GPC5: variants seen among roughly 807,000 people sequenced by gnomAD.
The protein encoded by GPC5 is glypican-5.
In GPC5, 47 loss-of-function variants were observed where a neutral mutation model predicts 53.9. The observed-to-expected ratio is 0.87, with a 90% CI of 0.69 to 1.11. GPC5 has a LOEUF of 1.11. GPC5 is among the 50% of genes most tolerant of loss of function. The pLI, the probability that GPC5 is intolerant of heterozygous loss-of-function variation, is 0.00. For synonymous variants in GPC5, 286 were observed against 263.3 expected (o/e 1.09, Z -0.84); for missense variants, 748 against 713.1 (o/e 1.05, Z -0.56).
intron 6 of GPC5, among the ~76,000 whole-genome samples, chr13:92,114,690 C>G (rs2041586152): frequency 6.6e-6 from 1 of 152,182 alleles, no homozygotes; most frequent in Admixed American, 6.5e-5. Flanking sequence ...CACACAGATA[C>G]ACTCCCAGTT....
chr13:92,133,149 A>T (rs2041758082), intron 6 of GPC5, among the ~76,000 whole-genome samples: 1 of 152,142 alleles, frequency 6.6e-6, no homozygotes, highest in Non-Finnish European at 1.5e-5. Context: ...TTCAAATGGC[A>T]CCCATTTTTC....
At chr13:92,561,462 C>A (rs1442958857) in intron 7 of GPC5, among the ~76,000 whole-genome samples, 2 of 151,940 alleles carry the variant, frequency 1.3e-5, no homozygotes, top group Non-Finnish European at 1.5e-5. Context: ...TAAGAATGAT[C>A]CCAATAGAAC....
chr13:91,400,115 A>G lies in GPC5; in HGVS notation c.163+906A>G, dbSNP rs117060580. ...CAATAGCAGGTGTCTAGAGCTAAGT[A>G]AGATCTCACTAGAGCCATGCACCCC... On this transcript the variant is annotated intron_variant, in intron 1 of 7. Transcript: ENST00000377067. Among the ~76,000 whole-genome samples the G allele has an allele frequency of 4.3e-3, 654 of 152,312 alleles. 1 individual carries two copies. The highest frequency in any genetic ancestry group is 7.3e-3 in the Non-Finnish European group (499 of 68,022).
chr13:92,780,788 T>C (rs1875995569), intron 7 of GPC5, among the ~76,000 whole-genome samples: 1 of 152,072 alleles, frequency 6.6e-6, no homozygotes, highest in Non-Finnish European at 1.5e-5. Context: ...AATCATAGAA[T>C]ATCAGATATT....
At chr13:92,593,594 T>A (rs550921826) in intron 7 of GPC5, among the ~76,000 whole-genome samples, 1 of 151,196 alleles carries the variant, frequency 6.6e-6, no homozygotes, top group South Asian at 2.1e-4. Context: ...CTGAATTTTA[T>A]CAACAGAAAG....
chr13:92,104,044 G>A (rs1431218769), intron 6 of GPC5, among the ~76,000 whole-genome samples: 2 of 152,016 alleles, frequency 1.3e-5, no homozygotes, highest in Non-Finnish European at 2.9e-5. Context: ...CAAATACCCC[G>A]GGGGAAAAAG....
intron 2 of GPC5, among the ~76,000 whole-genome samples, chr13:91,689,213 A>G (rs1350750646): frequency 8.1e-6 from 1 of 124,034 alleles, no homozygotes; most frequent in Non-Finnish European, 1.7e-5. Flanking sequence ...ATATATATAT[A>G]TATATATATA....
rs555900972 is a variant in GPC5, at chr13:92,281,530, G to T, written c.1561+136541G>T. 1.8e-4 allele frequency among the ~76,000 whole-genome samples: 27 copies of T among 152,252 alleles called. 1 individual carries two copies. The South Asian group carries it at 5.4e-3, about 30-fold the overall frequency. Reference sequence around the variant, plus strand: ...GGAGACTGACACCTCACACGGCTGGGTACCCCTCTGAGACGAAGCTTGCAG... The same window carrying T: ...GGAGACTGACACCTCACACGGCTGGTTACCCCTCTGAGACGAAGCTTGCAG... On this transcript the variant is annotated intron_variant, in intron 7 of 7. Coordinates refer to ENST00000377067, the MANE Select transcript of GPC5 (RefSeq NM_004466.6).
intron 2 of GPC5, among the ~76,000 whole-genome samples, chr13:91,538,352 T>C (rs1886682732): frequency 6.6e-6 from 1 of 152,180 alleles, no homozygotes; most frequent in Non-Finnish European, 1.5e-5. Context: ...TCCATCCATA[T>C]TGCAAAACAT....
chr13:91,992,807 T>G (rs944042242), intron 6 of GPC5, among the ~76,000 whole-genome samples: 1 of 152,144 alleles, frequency 6.6e-6, no homozygotes, highest in East Asian at 1.9e-4. Context: ...TATATAAAGC[T>G]CAATAAACAT....
At chr13:92,274,484 C>T (rs1400614365) in intron 7 of GPC5, among the ~76,000 whole-genome samples, 2 of 152,120 alleles carry the variant, frequency 1.3e-5, no homozygotes, top group Non-Finnish European at 1.5e-5. Flanking sequence ...AGCTTTTCCT[C>T]ATTGTTCAGG....
chr13:92,824,991 T>G (rs193020771), intron 7 of GPC5, among the ~76,000 whole-genome samples: 123 of 152,214 alleles, frequency 8.1e-4, no homozygotes, highest in Non-Finnish European at 1.5e-3. Flanking sequence ...TTTTAAAAAT[T>G]TTTCTTTCTT....
chr13:92,457,665 G>C (rs1254170499), intron 7 of GPC5, among the ~76,000 whole-genome samples: 1 of 152,164 alleles, frequency 6.6e-6, no homozygotes, highest in African/African-American at 2.4e-5. Context: ...TATCTCGCTA[G>C]CTCAAATTTA....
intron 7 of GPC5, among the ~76,000 whole-genome samples, chr13:92,229,480 T>A (rs939675174): frequency 3.9e-5 from 6 of 151,972 alleles, no homozygotes; most frequent in African/African-American, 1.2e-4. Context: ...AAATCTTGAT[T>A]GTAAATAAAG....
intron 7 of GPC5, among the ~76,000 whole-genome samples, chr13:92,178,065 A>C (rs1313898680): frequency 2.6e-5 from 4 of 152,156 alleles, no homozygotes; most frequent in Non-Finnish European, 5.9e-5. Flanking sequence ...CAAGCTCTTA[A>C]CCTAATTATA....
intron 6 of GPC5, among the ~76,000 whole-genome samples, chr13:92,085,402 G>T (rs1212814531): frequency 6.6e-6 from 1 of 152,162 alleles, no homozygotes; most frequent in African/African-American, 2.4e-5. Context: ...ATATTGTGAA[G>T]ACTTGAACTG....
intron 7 of GPC5, among the ~76,000 whole-genome samples, chr13:92,664,687 TG>T (rs1886512287): frequency 6.6e-6 from 1 of 152,166 alleles, no homozygotes; most frequent in Non-Finnish European, 1.5e-5. Flanking sequence ...ACATTCAATT[TG>T]GGCAAAGATA....
chr13:91,429,800 A>G (rs143470286), intron 1 of GPC5, among the ~76,000 whole-genome samples: 9 of 152,310 alleles, frequency 5.9e-5, no homozygotes, highest in Non-Finnish European at 1.2e-4. Flanking sequence ...TTGTTTGGGA[A>G]TCTTTATTTT....
chr13:92,819,856 C>T (rs929737811), intron 7 of GPC5, among the ~76,000 whole-genome samples: 14 of 152,132 alleles, frequency 9.2e-5, no homozygotes, highest in Admixed American at 6.5e-5. Context: ...GATGTCAACT[C>T]TGAGCAACTT....
Sources: gnomAD v4.1 joint callset for allele counts (sites outside exome capture counted in the v4.1 genomes callset) on GRCh38, gnomAD v4.1.1 for gene constraint, MANE v1.5 for transcripts, NCBI Gene and HGNC (gene_info 2026-07-23, HGNC 2026-07-21) for gene names.